Variants in PPP2R5C observed in about 807,000 individuals in gnomAD.
PPP2R5C encodes the protein serine/threonine-protein phosphatase 2A 56 kDa regulatory subunit gamma isoform.
In PPP2R5C, 7 loss-of-function variants were observed where a neutral mutation model predicts 68.9. The observed-to-expected ratio is 0.10, with a 90% CI of 0.06 to 0.19. The LOEUF (loss-of-function observed/expected upper bound fraction) is 0.19, where lower values mean the gene tolerates loss of function less well. Ranked by LOEUF, PPP2R5C falls within the 10% of genes least tolerant of loss-of-function variation. The probability of loss-of-function intolerance (pLI) is 1.00; values close to 1 mark genes in which losing one functional copy is unlikely to be tolerated. For synonymous variants in PPP2R5C, 210 were observed against 222.2 expected (o/e 0.95, Z 0.49); for missense variants, 348 against 641.3 (o/e 0.54, Z 4.94).
intron 12 of PPP2R5C, chr14:101,914,113 C>T (rs1306314309): frequency 2.2e-6 from 1 of 447,422 alleles, no homozygotes; most frequent in South Asian, 1.6e-5. Context: ...CCTGAATGTT[C>T]TCAAGTAACT....
chr14:101,789,412 C>T (rs1014371522), intron 3 of PPP2R5C, among the ~76,000 whole-genome samples: 2 of 152,162 alleles, frequency 1.3e-5, no homozygotes, highest in African/African-American at 2.4e-5. Context: ...GGCTGGTTGG[C>T]GCCATGCCAG....
intron 2 of PPP2R5C, chr14:101,766,276 G>C (rs1595105427): frequency 6.6e-6 from 1 of 152,370 alleles, no homozygotes; most frequent in Middle Eastern, 3.4e-3. Flanking sequence ...CTGGAGTATA[G>C]GGTAGAGTGG....
At chr14:101,814,112 A>G (rs116090736) in intron 1 of PPP2R5C, among the ~76,000 whole-genome samples, 1,758 of 152,348 alleles carry the variant, frequency 0.012, 30 homozygotes, top group African/African-American at 0.04. Flanking sequence ...AGTAAGTACT[A>G]GTGAGAATGG....
At chr14:101,884,499 T>G (rs1415280113) in intron 5 of PPP2R5C, among the ~76,000 whole-genome samples, 1 of 152,254 alleles carries the variant, frequency 6.6e-6, no homozygotes, top group Non-Finnish European at 1.5e-5. Flanking sequence ...CAAGAAGTGA[T>G]GTCATTCATC....
At chr14:101,894,618 T>G in intron 8 of PPP2R5C, 58 bp downstream of exon 10, 1 of 1,490,914 alleles carries the variant, frequency 6.7e-7, no homozygotes. Context: ...AATGTAAATA[T>G]TACAACATCT....
At chr14:101,909,012 T>C (rs1339616736) in intron 10 of PPP2R5C, among the ~76,000 whole-genome samples, 1 of 152,192 alleles carries the variant, frequency 6.6e-6, no homozygotes, top group East Asian at 1.9e-4. Context: ...GGATCGGGGC[T>C]CTTACAGGGC....
chr14:101,820,538 A>G (rs564549692), intron 1 of PPP2R5C: 1 of 152,336 alleles, frequency 6.6e-6, no homozygotes, highest in South Asian at 2.1e-4. Context: ...ACTAATCTTT[A>G]AGGAACTATC....
rs116020382 is a variant in PPP2R5C, at chr14:101,915,542, C to T, written c.1327-2289C>T. 0.018 allele frequency among the ~76,000 whole-genome samples: 2,669 copies of T among 152,278 alleles called. 46 individuals carry two copies. The highest frequency in any genetic ancestry group is 0.039 in the African/African-American group (1,634 of 41,540). On this transcript the variant is annotated intron_variant, in intron 12 of 13. Coordinates refer to ENST00000334743, the Ensembl canonical transcript of PPP2R5C. This position sits in a 1 kb window ranked among gnomAD's most constrained non-coding sequence, Gnocchi z 4.2. ...TCCAAGCGGAGGCTGTTGGTGGGTCCCATGAAGAGCACTGCTTGTTGCCTG... is the reference window on the plus strand; with the variant it reads ...TCCAAGCGGAGGCTGTTGGTGGGTCTCATGAAGAGCACTGCTTGTTGCCTG...
rs1246507600 is a variant in PPP2R5C, at chr14:101,879,358, CT to C, written c.295-2802del. ...TCTCCCCCAAGACCTACAGCCTCGTCTCTGGGTGAGCTGACCCCTCTCTCCC... is the reference window on the plus strand; with the variant it reads ...TCTCCCCCAAGACCTACAGCCTCGTCCTGGGTGAGCTGACCCCTCTCTCCC... On this transcript the variant is annotated intron_variant, in intron 2 of 13. Transcript: ENST00000334743. The surrounding 1 kb of genome is among the most constrained non-coding windows in gnomAD (Gnocchi z 4.2). The C allele has an allele frequency of 6.5e-6, 1 of 152,738 alleles. No individual in the cohort carries two copies. The highest frequency in any genetic ancestry group is 1.5e-5 in the Non-Finnish European group (1 of 68,476). The allele number at this position is 152,738 out of a possible 1,614,324, so 9.5% of individuals were successfully genotyped here. A position where few individuals can be genotyped will look rare whatever the true frequency, so the allele number is the denominator to read the frequency against.
At chr14:101,881,688 G>A (rs1332842510) in intron 2 of PPP2R5C, among the ~76,000 whole-genome samples, 1 of 152,250 alleles carries the variant, frequency 6.6e-6, no homozygotes, top group African/African-American at 2.4e-5. Context: ...GCGGATTGCA[G>A]AGGATGTTGG....
intron 2 of PPP2R5C, among the ~76,000 whole-genome samples, chr14:101,870,278 C>CA (rs1356308549): frequency 9.9e-5 from 15 of 152,116 alleles, no homozygotes; most frequent in African/African-American, 3.6e-4. Flanking sequence ...AGAAGTCTGC[C>CA]AAACCTAAGC....
At chr14:101,786,237 C>T (rs960120526) in intron 3 of PPP2R5C, 54 bp downstream of exon 3, 2 of 1,420,036 alleles carry the variant, frequency 1.4e-6, no homozygotes, top group African/African-American at 2.9e-5. Flanking sequence ...AGTGAAGGAG[C>T]AATGTTTTGA....
intron 1 of PPP2R5C, among the ~76,000 whole-genome samples, chr14:101,851,832 CTA>C (rs1259074086): frequency 6.6e-6 from 1 of 151,918 alleles, no homozygotes; most frequent in Non-Finnish European, 1.5e-5. Flanking sequence ...AATCAGTTTC[CTA>C]TCCACAGTTT....
intron 1 of PPP2R5C, chr14:101,836,550 T>G: frequency 1.8e-6 from 1 of 568,130 alleles, no homozygotes; most frequent in South Asian, 2.4e-5. Flanking sequence ...TAAATTTCTT[T>G]AAATATAATA....
intron 2 of PPP2R5C, among the ~76,000 whole-genome samples, chr14:101,867,559 C>G (rs2043156031): frequency 6.6e-6 from 1 of 152,150 alleles, no homozygotes; most frequent in African/African-American, 2.4e-5. Context: ...AGGTGGATCA[C>G]CTGAGGTCAG....
intron 2 of PPP2R5C, among the ~76,000 whole-genome samples, chr14:101,779,946 A>G (rs2140018690): frequency 6.6e-6 from 1 of 152,290 alleles, no homozygotes; most frequent in East Asian, 1.9e-4. Flanking sequence ...TCACATACAT[A>G]GTAGTCGAGG....
In PPP2R5C at chr14:101,913,022, G is replaced by A. The variant is rs1401968654; in HGVS notation, c.1326+549G>A. On this transcript the variant is annotated intron_variant, in intron 12 of 13. Coordinates refer to ENST00000334743, the Ensembl canonical transcript of PPP2R5C. The surrounding 1 kb of genome is among the most constrained non-coding windows in gnomAD (Gnocchi z 4.1). ...TGCCAGTGTGCTCTGGTGAGTCTGC[G>A]CCGATGGCCGGACGTCCCGGAGCTG... Among the ~76,000 whole-genome samples the A allele has an allele frequency of 6.6e-6, 1 of 152,178 alleles. No homozygotes were observed. The highest frequency in any genetic ancestry group is 2.4e-5 in the African/African-American group (1 of 41,430).
chr14:101,828,092 A>G (rs773228501), intron 1 of PPP2R5C, among the ~76,000 whole-genome samples: 4 of 152,180 alleles, frequency 2.6e-5, no homozygotes, highest in Non-Finnish European at 4.4e-5. Context: ...CCAGATTTTT[A>G]CCTTGTTTAC....
At chr14:101,777,997 C>T (rs115291341) in intron 2 of PPP2R5C, among the ~76,000 whole-genome samples, 2,633 of 151,652 alleles carry the variant, frequency 0.017, 85 homozygotes, top group African/African-American at 0.06. Context: ...CTTGAACTTA[C>T]GGGCTTAAGC....
Sources: allele counts gnomAD v4.1 joint callset (sites outside exome capture counted in the v4.1 genomes callset), GRCh38; gene constraint gnomAD v4.1.1; non-coding constraint Gnocchi (gnomAD v3.1); transcripts MANE v1.5; gene names NCBI Gene and HGNC (gene_info 2026-07-23, HGNC 2026-07-21).